The following DECR1 variants were observed in gnomAD, a reference collection of about 807,000 sequenced individuals.
The protein encoded by DECR1 is 2,4-dienoyl-CoA reductase [(3E)-enoyl-CoA-producing], mitochondrial.
A neutral mutation model predicts 38.8 loss-of-function variants in DECR1; 44 were observed. The ratio of observed to expected loss-of-function variants is 1.13; its 90% confidence interval spans 0.89 to 1.46. The LOEUF (loss-of-function observed/expected upper bound fraction) is 1.46, where lower values mean the gene tolerates loss of function less well. DECR1 is among the 40% of genes most tolerant of loss of function. The probability of loss-of-function intolerance (pLI) is 0.00; values close to 1 mark genes in which losing one functional copy is unlikely to be tolerated. For synonymous variants in DECR1, 148 were observed against 135.2 expected (o/e 1.09, Z -0.66); for missense variants, 428 against 405.5 (o/e 1.06, Z -0.48).
At chr8:90,029,184 C>G (rs1333160762) in intron 5 of DECR1, 1 of 152,060 alleles carries the variant, frequency 6.6e-6, no homozygotes, top group East Asian at 1.9e-4. Context: ...GCTTTTTCAT[C>G]TATAAAATAT....
intron 7 of DECR1, among the ~76,000 whole-genome samples, chr8:90,044,550 CTTGTACATA>C (rs1682849221): frequency 6.6e-6 from 1 of 152,170 alleles, no homozygotes; most frequent in Admixed American, 6.5e-5. Context: ...ACCACCTAAG[CTTGTACATA>C]TTTCAGGATA....
rs746876192 is a variant in DECR1, at chr8:90,017,177, T to C, written c.123T>C (p.Ser41=). Residue 41 remains serine (S), a synonymous_variant, in exon 2 of 10, where the codon TCT becomes TCC. Transcript: ENST00000220764. ...ILYQNTEALQ[S]KFFSPLQKAM... The stretch of plus-strand genomic sequence containing the variant: ...ATCAAAACACTGAAGCTTTGCAATC[T>C]AAATTCTTTTCACCTCTTCAAAAAG... The C allele has an allele frequency of 1.2e-6, 2 of 1,614,176 alleles. No homozygotes were observed. The highest frequency in any genetic ancestry group is 4.5e-5 in the East Asian group (2 of 44,884).
intron 2 of DECR1, chr8:90,018,499 A>G (rs1248650668): frequency 7.2e-6 from 1 of 138,414 alleles, no homozygotes; most frequent in Non-Finnish European, 1.6e-5. Context: ...GTTTAAATAT[A>G]TTATTTTCAT....
intron 5 of DECR1, 73 bp downstream of exon 5, chr8:90,021,129 C>T (rs1813149628): frequency 8.0e-7 from 1 of 1,245,704 alleles, no homozygotes; most frequent in Non-Finnish European, 1.1e-6. Context: ...CTCTGTGATA[C>T]TTTAAAAGTC....
chr8:90,036,983 A>G lies in DECR1; in HGVS notation c.665+43A>G, dbSNP rs1250144260. On this transcript the variant is annotated intron_variant, in intron 6 of 9. Coordinates refer to ENST00000220764, the MANE Select transcript of DECR1 (RefSeq NM_001359.2). ...AATCCTGTTGCTGAACATAACTAAT[A>G]CAGTTGGTGGCTCAGGGAACTGTAT... The G allele has an allele frequency of 2.9e-6, 4 of 1,393,926 alleles. No individual in the cohort carries two copies. In the African/African-American group the frequency reaches 4.3e-5, roughly 15 times the overall value. The allele number at this position is 1,393,926 out of a possible 1,614,324, so 86.3% of individuals were successfully genotyped here. A position where few individuals can be genotyped will look rare whatever the true frequency, so the allele number is the denominator to read the frequency against.
intron 1 of DECR1, chr8:90,003,024 T>G (rs188369014): frequency 5.9e-5 from 9 of 152,318 alleles, no homozygotes; most frequent in Admixed American, 5.9e-4. Flanking sequence ...CATTTAAAAA[T>G]TAATTGTAAT....
intron 5 of DECR1, among the ~76,000 whole-genome samples, chr8:90,027,046 T>A (rs956367855): frequency 3.3e-5 from 5 of 152,250 alleles, no homozygotes; most frequent in African/African-American, 1.2e-4. Context: ...GTGAGTTTCT[T>A]AAACCTGAGT....
At chr8:90,028,836 A>G (rs1037995635) in intron 5 of DECR1, among the ~76,000 whole-genome samples, 1 of 151,772 alleles carries the variant, frequency 6.6e-6, no homozygotes, top group Admixed American at 6.6e-5. Flanking sequence ...AGTGCTAAAT[A>G]CTTATTAACT....
intron 1 of DECR1, among the ~76,000 whole-genome samples, chr8:90,009,997 A>G (rs1412955391): frequency 6.6e-6 from 1 of 152,228 alleles, no homozygotes; most frequent in African/African-American, 2.4e-5. Context: ...TCAAAAATGT[A>G]ATTTCTGTCT....
intron 1 of DECR1, among the ~76,000 whole-genome samples, chr8:90,007,215 C>T (rs1004961122): frequency 9.9e-5 from 15 of 152,110 alleles, no homozygotes; most frequent in African/African-American, 3.6e-4. Flanking sequence ...GTGTAAATTT[C>T]AGGGGAGATG....
rs763902500 is a variant in DECR1 at position 90,021,034 on chromosome 8, A to G, written c.543A>G (p.Lys181=). 1 of 1,587,726 alleles carries G rather than the reference A, an allele frequency of 6.3e-7. No individual in the cohort carries two copies. The highest frequency in any genetic ancestry group is 1.2e-5 in the South Asian group (1 of 85,374). ...GTAFVTLEIG[K]QLIKAQKGAA... ...CCTTCGTGACACTAGAAATTGGAAA[A>G]CAACTAATTAAAGCACAGAAAGGTA... Residue 181 remains lysine (K), a synonymous_variant, in exon 5 of 10, where the codon AAA becomes AAG. Transcript: ENST00000220764.
At chr8:90,035,951 T>C (rs1813608149) in intron 5 of DECR1, among the ~76,000 whole-genome samples, 1 of 152,076 alleles carries the variant, frequency 6.6e-6, no homozygotes, top group Non-Finnish European at 1.5e-5. Context: ...CTGAGCTCTC[T>C]ACTGAAAGCT....
chr8:90,039,397 T>A (rs2267543), intron 6 of DECR1, among the ~76,000 whole-genome samples: 44,121 of 152,008 alleles, frequency 0.29, 6,459 homozygotes, highest in East Asian at 0.39. Context: ...AAAGAGAATG[T>A]GTTCCAAGTG....
intron 5 of DECR1, among the ~76,000 whole-genome samples, chr8:90,028,762 T>C (rs576827916): frequency 8.5e-5 from 13 of 152,124 alleles, no homozygotes; most frequent in African/African-American, 2.9e-4. Flanking sequence ...TTCCTTCTTT[T>C]TTTCTTTCTT....
intron 6 of DECR1, among the ~76,000 whole-genome samples, chr8:90,041,226 G>C (rs573574946): frequency 4.6e-5 from 7 of 152,258 alleles, no homozygotes; most frequent in South Asian, 2.1e-4. Flanking sequence ...GATCAGTGAT[G>C]ATGAGCTTTT....
chr8:90,024,277 C>T (rs1813245257), intron 5 of DECR1, among the ~76,000 whole-genome samples: 2 of 152,166 alleles, frequency 1.3e-5, no homozygotes, highest in Admixed American at 6.5e-5. Context: ...GTTCTAGATC[C>T]TTGAGGAATA....
At position 90,052,220 on chromosome 8, in the gene DECR1, A is replaced by G. The variant is rs1029712506; in HGVS notation, c.*323A>G. On this transcript the variant is annotated 3_prime_UTR_variant, in exon 10 of 10. Coordinates refer to ENST00000220764, the MANE Select transcript of DECR1 (RefSeq NM_001359.2). ...GACTTGGAAAATCAGGAGAAACTCA[A>G]TGGTGGCGGTAGCATTTGAGTTACA... The G allele has an allele frequency of 6.0e-5, 16 of 268,652 alleles. No homozygotes were observed. Among genetic ancestry groups the G allele is most frequent in the Non-Finnish European group, 1.1e-4 (15 of 142,598 alleles). The allele number at this position is 268,652 out of a possible 1,614,324, so 16.6% of individuals were successfully genotyped here.
In DECR1 at chr8:90,019,225, C is replaced by T. The variant is rs1271580044; in HGVS notation, c.417+53C>T. On this transcript the variant is annotated intron_variant, in intron 4 of 9. Transcript: ENST00000220764. ...TGCAAGACACTTGATGTTGATAACA[C>T]CCACCAACATGTACAAAGGAAATAA... 7 of 1,357,316 alleles carry T rather than the reference C, an allele frequency of 5.2e-6. No individual in the cohort carries two copies. In the South Asian group the frequency reaches 8.2e-5, roughly 16 times the overall value. 84.1% of individuals were successfully genotyped at this position (1,357,316 alleles called of 1,614,324 possible).
In DECR1 at chr8:90,052,101, A is replaced by G. The variant is rs1814114077; in HGVS notation, c.*204A>G. The G allele has an allele frequency of 1.9e-6, 1 of 524,634 alleles. No homozygotes were observed. Among genetic ancestry groups the G allele is most frequent in the African/African-American group, 2.0e-5 (1 of 51,018 alleles). 32.5% of individuals were successfully genotyped at this position (524,634 alleles called of 1,614,324 possible). ...TAGTCCTTCAAAACATTAAAAAAAA[A>G]AAAAGGAGGCATGGGGAGAGTAGGT... On this transcript the variant is annotated 3_prime_UTR_variant, in exon 10 of 10. Coordinates refer to ENST00000220764, the MANE Select transcript of DECR1 (RefSeq NM_001359.2).
Sources: allele counts gnomAD v4.1 joint callset (sites outside exome capture counted in the v4.1 genomes callset), GRCh38; gene constraint gnomAD v4.1.1; transcripts MANE v1.5; gene names NCBI Gene and HGNC (gene_info 2026-07-23, HGNC 2026-07-21).